The following SCN2A variants were observed in gnomAD, a reference collection of about 807,000 sequenced individuals.
The protein encoded by SCN2A is sodium channel protein type 2 subunit alpha.
SCN2A carries 20 observed loss-of-function variants against 188.7 expected under a neutral mutation model. The observed-to-expected ratio is 0.11, with a 90% confidence interval of 0.07 to 0.15. SCN2A has a LOEUF of 0.15. SCN2A is among the 10% of genes least tolerant of loss of function. The pLI, the probability that SCN2A is intolerant of heterozygous loss-of-function variation, is 1.00. For missense variants in SCN2A, 1,278 were observed against 2,445.0 expected (o/e 0.52, Z 10.07); for synonymous variants, 804 against 833.1 (o/e 0.97, Z 0.60).
intron 14 of SCN2A, among the ~76,000 whole-genome samples, chr2:165,340,302 C>G (rs754171500): frequency 1.6e-5 from 2 of 127,504 alleles, no homozygotes; most frequent in Non-Finnish European, 3.4e-5. Context: ...CAATGGAGAC[C>G]TACTGAACAA....
At chr2:165,291,446 CTT>C (rs1454882788) in intron 1 of SCN2A, among the ~76,000 whole-genome samples, 662 of 24,798 alleles carry the variant, frequency 0.027, 9 homozygotes, top group African/African-American at 0.075. Flanking sequence ...CTCTTTCTTT[CTT>C]TCTTTCTTTC....
chr2:165,291,421 TGTCTG>T (rs1696130657), intron 1 of SCN2A, among the ~76,000 whole-genome samples: 3 of 142,116 alleles, frequency 2.1e-5, no homozygotes, highest in Non-Finnish European at 1.5e-5. Flanking sequence ...CCTTCCTCCC[TGTCTG>T]TCTTTCTTTC....
In SCN2A at chr2:165,295,767, C is replaced by T; in HGVS notation, c.-51-6C>T. On this transcript the variant is annotated splice_region_variant and splice_polypyrimidine_tract_variant and intron_variant, in intron 1 of 26. Transcript: ENST00000375437. ...CATTGCTTTTTTTCCCTCCCTGTTT[C>T]TGTAGCACTTTCTTATGCAAGGAGC... is the stretch of plus-strand genomic sequence containing the variant. 1 of 1,612,944 alleles carries T rather than the reference C, an allele frequency of 6.2e-7. No homozygotes were observed. Among genetic ancestry groups the T allele is most frequent in the South Asian group, 1.1e-5 (1 of 90,704 alleles).
At chr2:165,291,781 A>G (rs968844148) in intron 1 of SCN2A, among the ~76,000 whole-genome samples, 1 of 151,616 alleles carries the variant, frequency 6.6e-6, no homozygotes, top group Non-Finnish European at 1.5e-5. Flanking sequence ...CTTCTGTACC[A>G]CAATGATAAC....
intron 1 of SCN2A, among the ~76,000 whole-genome samples, chr2:165,291,509 TTCTTCCTC>T (rs1327862428): frequency 2.3e-5 from 3 of 132,434 alleles, no homozygotes; most frequent in Middle Eastern, 3.7e-3. Context: ...CTTTCTTTCT[TTCTTCCTC>T]TCCTTTCTTT....
At chr2:165,312,568 C>A (rs577653309) in intron 8 of SCN2A, among the ~76,000 whole-genome samples, 51 of 152,144 alleles carry the variant, frequency 3.4e-4, no homozygotes, top group Admixed American at 1.8e-3. Flanking sequence ...ATCATATAAT[C>A]TCATTTCTTC....
At chr2:165,367,121 A>G in intron 18 of SCN2A, 96 bp from the exon 19 acceptor site, 3 of 1,158,116 alleles carry the variant, frequency 2.6e-6, no homozygotes, top group Admixed American at 1.8e-5. Context: ...TTTACAATGT[A>G]TTATCAGGTA....
chr2:165,347,719 A>G (rs1167989132), intron 16 of SCN2A, among the ~76,000 whole-genome samples: 2 of 152,250 alleles, frequency 1.3e-5, no homozygotes, highest in Non-Finnish European at 2.9e-5. Context: ...AGAATTAAAA[A>G]TAGGAAGTAA....
intron 17 of SCN2A, among the ~76,000 whole-genome samples, chr2:165,362,387 C>T (rs920050112): frequency 6.6e-6 from 1 of 151,750 alleles, no homozygotes; most frequent in Non-Finnish European, 1.5e-5. Flanking sequence ...ATTTGAAATT[C>T]CAGAGAAAAT....
At chr2:165,375,448 G>T (rs1318336252) in intron 22 of SCN2A, among the ~76,000 whole-genome samples, 1 of 151,428 alleles carries the variant, frequency 6.6e-6, no homozygotes, top group East Asian at 1.9e-4. Flanking sequence ...CACACGTATA[G>T]ATATACACTG....
rs114315466 is a variant in SCN2A, at chr2:165,323,326, G to A, written c.1842G>A (p.Pro614=). The part of the protein sequence containing the change: ...NDSRRDSLFV[P]HRHGERRHSN... ...GCCGAAGAGACTCTCTGTTCGTGCC[G>A]CACAGACATGGAGAACGGCGCCACA... The change falls in exon 12 of 27, where the codon CCG becomes CCA. Residue 614 remains proline, a synonymous_variant. Coordinates refer to ENST00000375437, the MANE Select transcript of SCN2A (RefSeq NM_001040142.2). The A allele has an allele frequency of 2.7e-5, 44 of 1,614,132 alleles. No individual in the cohort carries two copies. In the East Asian group the frequency reaches 3.1e-4, roughly 11 times the overall value.
chr2:165,302,354 CCTATT>C (rs1343049592), intron 3 of SCN2A, among the ~76,000 whole-genome samples: 1 of 152,098 alleles, frequency 6.6e-6, no homozygotes, highest in African/African-American at 2.4e-5. Flanking sequence ...CAGAAAAAGA[CCTATT>C]CTATTCTACT....
intron 3 of SCN2A, among the ~76,000 whole-genome samples, chr2:165,306,891 T>C (rs1167656351): frequency 6.6e-6 from 1 of 152,192 alleles, no homozygotes; most frequent in Non-Finnish European, 1.5e-5. Context: ...AGATTCACAA[T>C]GATAAAGAGT....
chr2:165,258,105 C>T (rs1361922248), intron 1 of SCN2A, among the ~76,000 whole-genome samples: 1 of 152,064 alleles, frequency 6.6e-6, no homozygotes, highest in Non-Finnish European at 1.5e-5. Flanking sequence ...TATTTTCTCC[C>T]ATTCTGTAGG....
chr2:165,361,399 A>G (rs1443879692), intron 17 of SCN2A, among the ~76,000 whole-genome samples: 5 of 152,054 alleles, frequency 3.3e-5, no homozygotes, highest in Non-Finnish European at 7.4e-5. Context: ...AGTCTACTAA[A>G]TGTTTTAAAT....
At chr2:165,268,645 A>T (rs2106100950) in intron 1 of SCN2A, 2 of 152,312 alleles carry the variant, frequency 1.3e-5, no homozygotes, top group South Asian at 3.9e-4. Context: ...TGACAAAATT[A>T]GTGTGATAAA....
intron 11 of SCN2A, 141 bp downstream of exon 11, chr2:165,315,899 T>A: frequency 9.7e-7 from 1 of 1,029,832 alleles, no homozygotes. Flanking sequence ...GTTTTGGCTA[T>A]CACTTCAGAG....
At chr2:165,345,773 C>T (rs1300460409) in intron 16 of SCN2A, among the ~76,000 whole-genome samples, 1 of 152,092 alleles carries the variant, frequency 6.6e-6, no homozygotes, top group Non-Finnish European at 1.5e-5. Flanking sequence ...GGCTATTTTG[C>T]TCATTAGCTG....
At chr2:165,326,256 T>C (rs1420039020) in intron 12 of SCN2A, among the ~76,000 whole-genome samples, 1 of 152,026 alleles carries the variant, frequency 6.6e-6, no homozygotes, top group Non-Finnish European at 1.5e-5. Context: ...GTGCCAAGGG[T>C]GGATTGTTTT....
Sources: allele counts gnomAD v4.1 joint callset (sites outside exome capture counted in the v4.1 genomes callset), GRCh38; gene constraint gnomAD v4.1.1; transcripts MANE v1.5; gene names NCBI Gene and HGNC (gene_info 2026-07-23, HGNC 2026-07-21).